POLR3B: variants seen among roughly 807,000 people sequenced by gnomAD.
The protein encoded by POLR3B is DNA-directed RNA polymerase III subunit RPC2.
Under a neutral mutation model 147.4 loss-of-function variants are expected in POLR3B, and 96 were observed. The observed-to-expected ratio is 0.65, with a 90% CI of 0.55 to 0.77. The LOEUF (loss-of-function observed/expected upper bound fraction) is 0.77. Ranked by LOEUF, POLR3B falls within the 30% of genes least tolerant of loss-of-function variation. The pLI, the probability that POLR3B is intolerant of heterozygous loss-of-function variation, is 0.00. For missense variants in POLR3B, 1,036 were observed against 1,413.5 expected (o/e 0.73, Z 4.28); for synonymous variants, 461 against 485.9 (o/e 0.95, Z 0.67).
chr12:106,393,205 G>A (rs754313463), intron 10 of POLR3B, 52 bp downstream of exon 10: 2 of 1,609,490 alleles, frequency 1.2e-6, no homozygotes, highest in Non-Finnish European at 1.7e-6. Context: ...GAGACTTAAT[G>A]CTGCTCATTG....
chr12:106,416,111 A>G (rs2037298992), intron 12 of POLR3B, among the ~76,000 whole-genome samples: 1 of 152,194 alleles, frequency 6.6e-6, no homozygotes, highest in Non-Finnish European at 1.5e-5. Flanking sequence ...AAGAAGTTAT[A>G]TAAAGGTGTG....
intron 12 of POLR3B, among the ~76,000 whole-genome samples, chr12:106,415,458 G>A (rs1205500737): frequency 6.6e-6 from 1 of 152,182 alleles, no homozygotes; most frequent in Non-Finnish European, 1.5e-5. Flanking sequence ...GAAAGAGGAT[G>A]CCAAGTTTCC....
At chr12:106,506,090 C>G (rs1043565576) in intron 27 of POLR3B, among the ~76,000 whole-genome samples, 3 of 152,114 alleles carry the variant, frequency 2.0e-5, no homozygotes, top group African/African-American at 7.2e-5. Context: ...AAGCCTAGCT[C>G]TTTCTTATAT....
At position 106,438,609 on chromosome 12, in the gene POLR3B, T is replaced by G. The variant is rs576343635; in HGVS notation, c.1955+830T>G. The stretch of plus-strand genomic sequence containing the variant: ...TCCTGATCTCAAGTGATCCTCCCAC[T>G]TCAGTCTCCTGAGTAGTTGGGATTA... On this transcript the variant is annotated intron_variant, in intron 18 of 27. Coordinates refer to ENST00000228347, the MANE Select transcript of POLR3B (RefSeq NM_018082.6). Among the ~76,000 whole-genome samples the G allele has an allele frequency of 8.9e-4, 135 of 152,224 alleles. 1 individual carries two copies. Among genetic ancestry groups the G allele is most frequent in the African/African-American group, 3.1e-3 (128 of 41,552 alleles).
At chr12:106,486,292 A>G (rs1041174741) in intron 23 of POLR3B, among the ~76,000 whole-genome samples, 1,408 of 130,576 alleles carry the variant, frequency 0.011, 7 homozygotes, top group African/African-American at 0.056. Flanking sequence ...CGTCTCAAAA[A>G]AAAAAAAAAA....
intron 19 of POLR3B, among the ~76,000 whole-genome samples, chr12:106,451,520 G>A (rs1274190796): frequency 6.6e-6 from 1 of 151,438 alleles, no homozygotes; most frequent in Non-Finnish European, 1.5e-5. Flanking sequence ...TACTCGGGTG[G>A]CTGAGGCACA....
intron 19 of POLR3B, among the ~76,000 whole-genome samples, chr12:106,453,680 A>C (rs1485863895): frequency 6.6e-6 from 1 of 152,144 alleles, no homozygotes; most frequent in Non-Finnish European, 1.5e-5. Context: ...GAGGAGACTG[A>C]AAGACTCATC....
At chr12:106,361,949 G>C (rs2036475514) in intron 1 of POLR3B, among the ~76,000 whole-genome samples, 1 of 152,192 alleles carries the variant, frequency 6.6e-6, no homozygotes, top group Non-Finnish European at 1.5e-5. Context: ...GGTGACCTCT[G>C]TCGAGCTCTT....
At chr12:106,402,681 C>T (rs1565885578) in intron 10 of POLR3B, among the ~76,000 whole-genome samples, 1 of 152,130 alleles carries the variant, frequency 6.6e-6, no homozygotes, top group Non-Finnish European at 1.5e-5. Flanking sequence ...TGATCTTTGA[C>T]AAACCTGACA....
intron 23 of POLR3B, 78 bp from the exon 24 acceptor site, chr12:106,495,977 G>A (rs190747299): frequency 4.6e-5 from 39 of 844,462 alleles, no homozygotes; most frequent in Non-Finnish European, 6.3e-5. Flanking sequence ...AGATAGCAGC[G>A]GGGAGATCCC....
Position 106,475,396 on chromosome 12 carries a change from G to A in POLR3B, c.2713+11776G>A, listed in dbSNP as rs1483660158. Among the ~76,000 whole-genome samples, 21 of 96,932 alleles carry A rather than the reference G, an allele frequency of 2.2e-4. 8 individuals are homozygous for A. The highest frequency in any genetic ancestry group is 1.1e-3 in the African/African-American group (21 of 18,614). 63.6% of individuals were successfully genotyped at this position (96,932 alleles called of 152,430 possible). On this transcript the variant is annotated intron_variant, in intron 23 of 27. Transcript: ENST00000228347. Reference sequence around the variant, plus strand: ...GTCTATTAGGTCCGCTTGGTGCAGAGCTGAGTTCAATTCCTGGGTATCCTT... The same window carrying A: ...GTCTATTAGGTCCGCTTGGTGCAGAACTGAGTTCAATTCCTGGGTATCCTT...
intron 12 of POLR3B, among the ~76,000 whole-genome samples, chr12:106,421,989 G>A (rs966062951): frequency 1.5e-4 from 23 of 152,088 alleles, no homozygotes; most frequent in African/African-American, 4.3e-4. Context: ...CATGAGCCAC[G>A]GTGCCCGGCC....
intron 19 of POLR3B, among the ~76,000 whole-genome samples, chr12:106,451,824 A>G (rs933970428): frequency 6.6e-6 from 1 of 152,062 alleles, no homozygotes; most frequent in Non-Finnish European, 1.5e-5. Context: ...TTTAACTTAC[A>G]TTTGTTTACC....
chr12:106,445,786 G>GCATTT (rs2037714546), intron 19 of POLR3B, among the ~76,000 whole-genome samples: 1 of 152,124 alleles, frequency 6.6e-6, no homozygotes, highest in African/African-American at 2.4e-5. Flanking sequence ...GCATTGCATT[G>GCATTT]CATTTGGGTA....
At chr12:106,464,350 C>T (rs2037978665) in intron 23 of POLR3B, among the ~76,000 whole-genome samples, 1 of 152,184 alleles carries the variant, frequency 6.6e-6, no homozygotes, top group Admixed American at 6.5e-5. Flanking sequence ...AACTGTGTGC[C>T]TGGCTGCGTT....
At position 106,496,159 on chromosome 12, in the gene POLR3B, G is replaced by T; in HGVS notation, c.2817+1G>T. The stretch of plus-strand genomic sequence containing the variant: ...ACACGGCTTCCCATCACGAATGACG[G>T]TCAGTGACCTGTAGGTTTTTCAGAG... On this transcript the variant is annotated splice_donor_variant, in intron 24 of 27. Coordinates refer to ENST00000228347, the MANE Select transcript of POLR3B (RefSeq NM_018082.6). LOFTEE classifies it high-confidence loss of function. The T allele has an allele frequency of 6.4e-7, 1 of 1,563,684 alleles. No individual in the cohort carries two copies. Among genetic ancestry groups the T allele is most frequent in the Non-Finnish European group, 8.8e-7 (1 of 1,133,846 alleles).
intron 15 of POLR3B, among the ~76,000 whole-genome samples, chr12:106,432,980 C>G (rs1379035229): frequency 6.6e-6 from 1 of 152,194 alleles, no homozygotes; most frequent in Admixed American, 6.5e-5. Context: ...GACTTAGCAG[C>G]AAGTGTGCTC....
chr12:106,443,471 T>C (rs1170127924), intron 18 of POLR3B, among the ~76,000 whole-genome samples: 1 of 152,182 alleles, frequency 6.6e-6, no homozygotes, highest in Non-Finnish European at 1.5e-5. Flanking sequence ...GCCACAGTTA[T>C]CTAGTGTCTA....
chr12:106,499,288 C>A (rs2038555982), intron 25 of POLR3B, among the ~76,000 whole-genome samples: 1 of 152,122 alleles, frequency 6.6e-6, no homozygotes, highest in Non-Finnish European at 1.5e-5. Context: ...ATTTGGTGGA[C>A]CTTCGTGAAC....
Sources: gnomAD v4.1 joint callset for allele counts (sites outside exome capture counted in the v4.1 genomes callset) on GRCh38, gnomAD v4.1.1 for gene constraint, MANE v1.5 for transcripts, NCBI Gene and HGNC (gene_info 2026-07-23, HGNC 2026-07-21) for gene names.